USP39: variants seen among roughly 807,000 people sequenced by gnomAD.
USP39 encodes ubiquitin carboxyl-terminal hydrolase 39.
USP39 carries 38 observed loss-of-function variants against 66.4 expected under a neutral mutation model. That is an observed-to-expected ratio of 0.57 (90% CI 0.44 to 0.75). The LOEUF (loss-of-function observed/expected upper bound fraction) is 0.75, where lower values mean the gene tolerates loss of function less well. Ranked by LOEUF, USP39 falls within the 30% of genes least tolerant of loss-of-function variation. The pLI is 0.00. For missense variants in USP39, 608 were observed against 714.4 expected (o/e 0.85, Z 1.70); for synonymous variants, 303 against 274.6 (o/e 1.10, Z -1.02).
intron 11 of USP39, 64 bp downstream of exon 11, chr2:85,645,147 A>G: frequency 6.2e-7 from 1 of 1,604,978 alleles, no homozygotes; most frequent in Non-Finnish European, 8.5e-7. Flanking sequence ...TTGGCATCTC[A>G]GAGGGCAGCT....
upstream of USP39, chr2:85,608,194 G>A (rs1159804681): frequency 1.3e-5 from 2 of 152,186 alleles, no homozygotes; most frequent in African/African-American, 2.4e-5. Context: ...TTTCAGTTTA[G>A]CACCAACATC....
In USP39 at chr2:85,623,666, G is replaced by A. The variant is rs755427548; in HGVS notation, c.454G>A (p.Ala152Thr). ...TACAGGCCGGGGTTTGAAGTCTCAC[G>A]CCTACATTCACAGTGTCCAGTTTAG... ...YFQGRGLKSH[A>T]YIHSVQFSHH... The change falls in exon 4 of 13, where the codon GCC (alanine) becomes ACC (threonine). Residue 152 changes from alanine to threonine, a missense_variant. Transcript: ENST00000323701. The A allele has an allele frequency of 9.3e-6, 15 of 1,613,260 alleles. No individual in the cohort carries two copies. Among genetic ancestry groups the A allele is most frequent in the South Asian group, 2.2e-5 (2 of 90,940 alleles).
intron 12 of USP39, 31 bp from the exon 13 acceptor site, chr2:85,648,730 A>G: frequency 6.2e-7 from 1 of 1,612,468 alleles, no homozygotes; most frequent in Non-Finnish European, 8.5e-7. Context: ...AATGCCTCCT[A>G]GACTTCAGTT....
At chr2:85,634,813 G>A (rs1369633459) in intron 6 of USP39, among the ~76,000 whole-genome samples, 3 of 152,192 alleles carry the variant, frequency 2.0e-5, no homozygotes, top group African/African-American at 4.8e-5. Flanking sequence ...ATGAGTGTCA[G>A]CATTCACTGT....
chr2:85,627,570 C>T (rs901026527), intron 5 of USP39, among the ~76,000 whole-genome samples: 3 of 151,634 alleles, frequency 2.0e-5, no homozygotes, highest in African/African-American at 7.3e-5. Flanking sequence ...GTGGCAGGGT[C>T]CCTTGAGGCC....
upstream of USP39, chr2:85,609,024 G>GT: frequency 6.2e-7 from 1 of 1,614,214 alleles, no homozygotes; most frequent in South Asian, 1.1e-5. Context: ...ATCCAGAGGC[G>GT]TGTGTGCCGA....
At chr2:85,611,241 G>A, upstream of USP39, 2 of 1,341,082 alleles carry the variant, frequency 1.5e-6, no homozygotes, top group South Asian at 1.8e-5. Context: ...AAGTAATAAT[G>A]CTTAACAAAA....
intron 5 of USP39, among the ~76,000 whole-genome samples, chr2:85,626,783 T>G (rs987930504): frequency 1.3e-5 from 2 of 151,414 alleles, no homozygotes; most frequent in Non-Finnish European, 2.9e-5. Context: ...AGTGGCGCAA[T>G]CTCAGCTCAC....
At chr2:85,609,720 C>T (rs1351079269), upstream of USP39, 49 of 1,218,504 alleles carry the variant, frequency 4.0e-5, no homozygotes, top group Non-Finnish European at 5.1e-5. Flanking sequence ...CTCACTCTGT[C>T]GCCCAGGCTG....
chr2:85,648,041 G>A (rs1049181538), intron 12 of USP39, 25 bp downstream of exon 12: 5 of 1,612,906 alleles, frequency 3.1e-6, no homozygotes, highest in Non-Finnish European at 4.2e-6. Context: ...GGCTTAGTGA[G>A]CCACAAATAG....
At chr2:85,637,609 A>G (rs1182250349) in intron 8 of USP39, among the ~76,000 whole-genome samples, 173 bp downstream of exon 8, 1 of 152,102 alleles carries the variant, frequency 6.6e-6, no homozygotes, top group East Asian at 1.9e-4. Flanking sequence ...GCACTTTTTC[A>G]GTTTGGGAGT....
At chr2:85,628,627 G>A (rs1237267282) in intron 5 of USP39, among the ~76,000 whole-genome samples, 1 of 152,154 alleles carries the variant, frequency 6.6e-6, no homozygotes, top group Non-Finnish European at 1.5e-5. Flanking sequence ...CATCCATCTG[G>A]AGGGTGGATA....
chr2:85,619,909 C>T (rs1470624010), intron 2 of USP39, among the ~76,000 whole-genome samples: 3 of 151,788 alleles, frequency 2.0e-5, no homozygotes, highest in East Asian at 3.9e-4. Context: ...GGCTGGAGTG[C>T]AATGGCGCGA....
Position 85,623,654 on chromosome 2 carries a change from T to C in USP39, c.442T>C (p.Leu148=), listed in dbSNP as rs1674632227. 1 of 1,613,010 alleles carries C rather than the reference T, an allele frequency of 6.2e-7. No homozygotes were observed. The highest frequency in any genetic ancestry group is 1.3e-5 in the African/African-American group (1 of 74,854). Residue 148 remains leucine, a synonymous_variant, in exon 4 of 13, where the codon TTG becomes CTG. Transcript: ENST00000323701. ...TTCACCCTTCCCTACAGGCCGGGGT[T>C]TGAAGTCTCACGCCTACATTCACAG... is the stretch of plus-strand genomic sequence containing the variant. ...VCGKYFQGRG[L]KSHAYIHSVQ...
chr2:85,640,436 A>T lies in USP39; in HGVS notation c.1285-540A>T, dbSNP rs183300004. On this transcript the variant is annotated intron_variant, in intron 9 of 12. Coordinates refer to ENST00000323701, the MANE Select transcript of USP39 (RefSeq NM_006590.4). The stretch of plus-strand genomic sequence containing the variant: ...CCCGAGTAGCTGGGACTACAGGTAC[A>T]TGCCACCATGCCCAGCTAATGTTTG... Among the ~76,000 whole-genome samples the T allele has an allele frequency of 3.9e-4, 59 of 151,478 alleles. 1 individual carries two copies. The East Asian group carries it at 0.01, about 27-fold the overall frequency.
chr2:85,614,573 C>T (rs1437114117), upstream of USP39, among the ~76,000 whole-genome samples: 4 of 152,072 alleles, frequency 2.6e-5, no homozygotes, highest in Non-Finnish European at 4.4e-5. Flanking sequence ...ATAGGGCGTT[C>T]CTGAAAGTAA....
At chr2:85,609,619 G>A (rs200832393), upstream of USP39, 12 of 1,612,548 alleles carry the variant, frequency 7.4e-6, no homozygotes, top group East Asian at 2.2e-5. Flanking sequence ...GAAAGAAGAG[G>A]GGGGGTGCTG....
At position 85,647,963 on chromosome 2, in the gene USP39, C is replaced by G; in HGVS notation, c.1597C>G (p.Gln533Glu). ...TGKWYELQDL[Q>E]VTDILPQMIT... is the part of the protein sequence containing the mutation. ...CAAATGGTATGAATTACAAGACCTC[C>G]AGGTGACTGACATCCTTCCCCAGAT... The change falls in exon 12 of 13, where the codon CAG becomes GAG. Residue 533 changes from glutamine (Q) to glutamate (E), a missense_variant. Around this residue, in one of 6 missense-constraint regions of USP39, gnomAD observed 164 missense variants for 250.3 expected, o/e 0.66. Transcript: ENST00000323701. 6.2e-7 allele frequency: 1 copy of G among 1,614,152 alleles called. No homozygotes were observed. The highest frequency in any genetic ancestry group is 1.3e-5 in the African/African-American group (1 of 75,034).
At position 85,616,269 on chromosome 2, in the gene USP39, C is replaced by A. The variant is rs1044529615; in HGVS notation, c.74C>A (p.Ser25Tyr). 6.5e-7 allele frequency: 1 copy of A among 1,542,536 alleles called. No individual in the cohort carries two copies. ...CGAGAGTCTGAGTCGCGGGGCAGCT[C>A]CGGTCGCGTCAAGCGGGAGCGAGAT... is the stretch of plus-strand genomic sequence containing the variant. Reference protein sequence around the residue: ...GKRESESRGSSGRVKRERDRE... With the variant: ...GKRESESRGSYGRVKRERDRE... Residue 25 changes from serine (S) to tyrosine (Y), a missense_variant, in exon 1 of 13, where the codon TCC becomes TAC. Ser to Tyr is a moderately radical substitution (Grantham distance 144). Coordinates refer to ENST00000323701, the MANE Select transcript of USP39 (RefSeq NM_006590.4).
Sources: gnomAD v4.1 joint callset for allele counts (sites outside exome capture counted in the v4.1 genomes callset) on GRCh38, gnomAD v4.1.1 for gene constraint, gnomAD v4.1.1 regional missense constraint, MANE v1.5 for transcripts, NCBI Gene and HGNC (gene_info 2026-07-23, HGNC 2026-07-21) for gene names.